The following VAT1L variants were observed in gnomAD, a reference collection of about 807,000 sequenced individuals.
VAT1L encodes the protein vesicle amine transport 1 like.
A neutral mutation model predicts 44.1 loss-of-function variants in VAT1L; 34 were observed. That is an observed-to-expected ratio of 0.77 (90% CI 0.59 to 1.03). VAT1L has a LOEUF of 1.03. Among genes scored for constraint, VAT1L ranks in the 50% least tolerant of loss-of-function variants. The pLI, the probability that VAT1L is intolerant of heterozygous loss-of-function variation, is 0.00. For missense variants in VAT1L, 615 were observed against 538.8 expected (o/e 1.14, Z -1.40); for synonymous variants, 253 against 202.2 (o/e 1.25, Z -2.13).
intron 7 of VAT1L, among the ~76,000 whole-genome samples, chr16:77,886,749 G>C (rs1302579117): frequency 2.0e-5 from 3 of 152,200 alleles, no homozygotes; most frequent in African/African-American, 7.2e-5. Context: ...TTCTTAGAAA[G>C]AGATAAATTT....
intron 7 of VAT1L, among the ~76,000 whole-genome samples, chr16:77,929,315 G>T (rs945424775): frequency 6.6e-6 from 1 of 152,110 alleles, no homozygotes; most frequent in Non-Finnish European, 1.5e-5. Context: ...GTGAAAGATT[G>T]GCAACATTTT....
At chr16:77,813,673 A>G (rs892093565) in intron 1 of VAT1L, among the ~76,000 whole-genome samples, 2 of 152,330 alleles carry the variant, frequency 1.3e-5, no homozygotes, top group South Asian at 2.1e-4. Flanking sequence ...GCTCAGGTCA[A>G]CTAGATCTCT....
At chr16:77,811,218 C>T (rs1273847885) in intron 1 of VAT1L, among the ~76,000 whole-genome samples, 1 of 152,166 alleles carries the variant, frequency 6.6e-6, no homozygotes, top group Non-Finnish European at 1.5e-5. Context: ...GCAACCCCTG[C>T]CTCTTTTTCA....
intron 8 of VAT1L, among the ~76,000 whole-genome samples, chr16:77,974,509 G>C (rs140913279): frequency 6.6e-6 from 1 of 152,136 alleles, no homozygotes; most frequent in Admixed American, 6.5e-5. Flanking sequence ...TCAGGGTAAA[G>C]GCACAGGATC....
chr16:77,803,932 C>G (rs1418319663), intron 1 of VAT1L, among the ~76,000 whole-genome samples: 1 of 152,164 alleles, frequency 6.6e-6, no homozygotes, highest in East Asian at 1.9e-4. Context: ...GTGATACTTT[C>G]TGTGAGAAGA....
intron 1 of VAT1L, among the ~76,000 whole-genome samples, chr16:77,790,239 G>C (rs1481196693): frequency 6.6e-6 from 1 of 152,190 alleles, no homozygotes; most frequent in African/African-American, 2.4e-5. Flanking sequence ...GGTCAGGTTT[G>C]ACTCTGAACA....
intron 7 of VAT1L, among the ~76,000 whole-genome samples, chr16:77,922,235 C>T (rs2017619588): frequency 6.6e-6 from 1 of 152,022 alleles, no homozygotes; most frequent in Non-Finnish European, 1.5e-5. Context: ...GTGTCTATGT[C>T]TGCGTGTACA....
At chr16:77,929,592 T>A (rs930893850) in intron 7 of VAT1L, among the ~76,000 whole-genome samples, 1 of 152,066 alleles carries the variant, frequency 6.6e-6, no homozygotes, top group Admixed American at 6.6e-5. Flanking sequence ...GACACTAACA[T>A]TTTCAGGACG....
chr16:77,880,970 T>A (rs1179254947), intron 6 of VAT1L, among the ~76,000 whole-genome samples: 2 of 152,190 alleles, frequency 1.3e-5, no homozygotes, highest in Admixed American at 1.3e-4. Context: ...GGTGTATACG[T>A]CTCACATTTT....
At chr16:77,967,734 T>C (rs1287776786) in intron 7 of VAT1L, among the ~76,000 whole-genome samples, 1 of 152,210 alleles carries the variant, frequency 6.6e-6, no homozygotes, top group Non-Finnish European at 1.5e-5. Context: ...CTCTGGGCTC[T>C]GTCTTACTGG....
chr16:77,971,353 GACA>G (rs1442081368), intron 7 of VAT1L, among the ~76,000 whole-genome samples: 1 of 152,170 alleles, frequency 6.6e-6, no homozygotes, highest in Non-Finnish European at 1.5e-5. Context: ...CTTAGATAGA[GACA>G]ACATTTCCTC....
At chr16:77,945,045 A>G (rs1433991384) in intron 7 of VAT1L, among the ~76,000 whole-genome samples, 1 of 152,214 alleles carries the variant, frequency 6.6e-6, no homozygotes, top group Admixed American at 6.5e-5. Context: ...ACCATGGTAC[A>G]AAAACCTGTC....
At chr16:77,873,789 G>C (rs575001482) in intron 4 of VAT1L, among the ~76,000 whole-genome samples, 1 of 152,280 alleles carries the variant, frequency 6.6e-6, no homozygotes, top group Admixed American at 6.5e-5. Flanking sequence ...GGATGAGAAG[G>C]AGCCAGCTCT....
At chr16:77,977,035 G>A (rs955649730) in intron 8 of VAT1L, among the ~76,000 whole-genome samples, 2 of 152,104 alleles carry the variant, frequency 1.3e-5, no homozygotes, top group African/African-American at 4.8e-5. Context: ...CCTCCCCTTG[G>A]CATTCGGGTC....
At chr16:77,964,791 T>TAGA (rs1384746909) in intron 7 of VAT1L, among the ~76,000 whole-genome samples, 1 of 36,816 alleles carries the variant, frequency 2.7e-5, no homozygotes. Flanking sequence ...TTTTTTTTTT[T>TAGA]TTTTTTTTTT....
intron 7 of VAT1L, among the ~76,000 whole-genome samples, chr16:77,909,193 G>A (rs923175858): frequency 2.0e-5 from 3 of 152,100 alleles, no homozygotes; most frequent in South Asian, 2.1e-4. Flanking sequence ...GAGTAAAGTC[G>A]CTTGCCTGAA....
At chr16:77,932,201 TCAGGC>T (rs1213985235) in intron 7 of VAT1L, among the ~76,000 whole-genome samples, 1 of 151,188 alleles carries the variant, frequency 6.6e-6, no homozygotes, top group Non-Finnish European at 1.5e-5. Context: ...CCTCCTGGGT[TCAGGC>T]CATTCTCCTG....
intron 7 of VAT1L, among the ~76,000 whole-genome samples, chr16:77,944,067 C>A (rs2017927904): frequency 6.6e-6 from 1 of 152,106 alleles, no homozygotes; most frequent in African/African-American, 2.4e-5. Context: ...CTTTGAGGGG[C>A]AGCTGGCAAT....
Position 77,977,634 on chromosome 16 carries a change from A to T in VAT1L, c.1199A>T (p.Glu400Val). The T allele has an allele frequency of 6.2e-7, 1 of 1,614,072 alleles. No homozygotes were observed. The highest frequency in any genetic ancestry group is 8.5e-7 in the Non-Finnish European group (1 of 1,179,980). Residue 400 changes from glutamate (E) to valine (V), a missense_variant, in exon 9 of 9, where the codon GAA becomes GTA. Coordinates refer to ENST00000302536, the MANE Select transcript of VAT1L (RefSeq NM_020927.3). The stretch of plus-strand genomic sequence containing the variant: ...AGCACAGAGACCAGTGAAGCAGGGG[A>T]AGAGGAGGAGGACCACGAGGGAGAC... The part of the protein sequence containing the change: ...NDSTETSEAG[E>V]EEEDHEGDSE...
Sources: allele counts gnomAD v4.1 joint callset (sites outside exome capture counted in the v4.1 genomes callset), GRCh38; gene constraint gnomAD v4.1.1; transcripts MANE v1.5; gene names NCBI Gene and HGNC (gene_info 2026-07-23, HGNC 2026-07-21).